The following GRIK4 variants were observed in gnomAD, a reference collection of about 807,000 sequenced individuals.
GRIK4 encodes glutamate receptor ionotropic, kainate 4.
Under a neutral mutation model 104.9 loss-of-function variants are expected in GRIK4, and 40 were observed. That is an observed-to-expected ratio of 0.38 (90% CI 0.30 to 0.50). The LOEUF (loss-of-function observed/expected upper bound fraction) is 0.50. Among genes scored for constraint, GRIK4 ranks in the 20% least tolerant of loss-of-function variants. GRIK4 has a pLI of 0.93. For missense variants in GRIK4, 1,047 were observed against 1,308.1 expected (o/e 0.80, Z 3.08); for synonymous variants, 485 against 524.9 (o/e 0.92, Z 1.04).
At chr11:120,844,759 G>T (rs984210282) in intron 8 of GRIK4, among the ~76,000 whole-genome samples, 1 of 152,192 alleles carries the variant, frequency 6.6e-6, no homozygotes, top group Non-Finnish European at 1.5e-5. Flanking sequence ...GGACAGATTT[G>T]AAGTCAACGT....
At chr11:120,531,261 G>C (rs1427222321) in intron 1 of GRIK4, among the ~76,000 whole-genome samples, 1 of 152,266 alleles carries the variant, frequency 6.6e-6, no homozygotes, top group Non-Finnish European at 1.5e-5. Flanking sequence ...GAAAGATCAA[G>C]AGTGAAACTC....
chr11:120,982,336 G>A (rs555653855), intron 20 of GRIK4, 112 bp downstream of exon 20: 7 of 705,000 alleles, frequency 9.9e-6, no homozygotes, highest in Non-Finnish European at 1.8e-5. Flanking sequence ...GCAGCAAAGA[G>A]AATCCCAGTG....
At chr11:120,968,563 C>T (rs1026314942) in intron 19 of GRIK4, among the ~76,000 whole-genome samples, 2 of 152,158 alleles carry the variant, frequency 1.3e-5, no homozygotes, top group Non-Finnish European at 2.9e-5. Context: ...GGATCTCTAT[C>T]TTGCAAGAAG....
intron 1 of GRIK4, among the ~76,000 whole-genome samples, chr11:120,525,485 G>A (rs1463557353): frequency 1.3e-5 from 2 of 152,164 alleles, no homozygotes; most frequent in Non-Finnish European, 2.9e-5. Flanking sequence ...TGGGCAGGGC[G>A]TGGAAAGAGC....
intron 3 of GRIK4, among the ~76,000 whole-genome samples, chr11:120,800,831 C>T (rs1344909691): frequency 1.3e-5 from 2 of 152,232 alleles, no homozygotes; most frequent in Non-Finnish European, 2.9e-5. Flanking sequence ...TCCGCGCAGA[C>T]ATTCAAGGGC....
chr11:120,707,903 G>C (rs941634426), intron 3 of GRIK4, among the ~76,000 whole-genome samples: 2 of 152,156 alleles, frequency 1.3e-5, no homozygotes, highest in Non-Finnish European at 2.9e-5. Flanking sequence ...TTCTAAGACT[G>C]AGCAACCCAC....
At chr11:120,687,585 T>C (rs1950295596) in intron 3 of GRIK4, among the ~76,000 whole-genome samples, 1 of 152,182 alleles carries the variant, frequency 6.6e-6, no homozygotes, top group Non-Finnish European at 1.5e-5. Context: ...TGTAGTTGGA[T>C]CTGCCTAATA....
chr11:120,548,654 G>C (rs960456714), intron 1 of GRIK4, among the ~76,000 whole-genome samples: 1 of 152,166 alleles, frequency 6.6e-6, no homozygotes, highest in African/African-American at 2.4e-5. Flanking sequence ...TCTGGTGGCA[G>C]CTGGGAGGAT....
At chr11:120,728,058 G>A (rs1000660478) in intron 3 of GRIK4, among the ~76,000 whole-genome samples, 2 of 151,594 alleles carry the variant, frequency 1.3e-5, no homozygotes, top group African/African-American at 2.4e-5. Flanking sequence ...ATTTAAACTT[G>A]TATATTGAAA....
chr11:120,593,280 A>G (rs908831597), intron 1 of GRIK4, among the ~76,000 whole-genome samples: 3 of 151,630 alleles, frequency 2.0e-5, no homozygotes, highest in African/African-American at 4.9e-5. Flanking sequence ...TTGTGGGCAT[A>G]CACTGCCTCC....
In GRIK4 at chr11:120,786,779, C is replaced by T. The variant is rs185040590; in HGVS notation, c.83-15914C>T. 3.9e-5 allele frequency among the ~76,000 whole-genome samples: 6 copies of T among 152,284 alleles called. No individual in the cohort carries two copies. In the East Asian group the frequency reaches 1.2e-3, roughly 29 times the overall value. On this transcript the variant is annotated intron_variant, in intron 3 of 20. Transcript: ENST00000527524. Reference sequence around the variant, plus strand: ...TTCCTCTTTTCCGAGAAAATAGATGCCATCCAGCTCAGCCTCTCTCAACAC... The same window carrying T: ...TTCCTCTTTTCCGAGAAAATAGATGTCATCCAGCTCAGCCTCTCTCAACAC...
At chr11:120,946,596 C>T (rs1591316316) in intron 14 of GRIK4, among the ~76,000 whole-genome samples, 2 of 152,218 alleles carry the variant, frequency 1.3e-5, no homozygotes, top group East Asian at 3.8e-4. Context: ...GGTTTGTTGA[C>T]TCACGTCTCC....
At chr11:120,714,259 C>T (rs966505404) in intron 3 of GRIK4, among the ~76,000 whole-genome samples, 6 of 152,218 alleles carry the variant, frequency 3.9e-5, no homozygotes, top group Admixed American at 1.3e-4. Flanking sequence ...TTACAATCCA[C>T]AGCTCTGGGG....
chr11:120,987,832 G>A lies in GRIK4; in HGVS notation c.*1572G>A. ...TCACTAATTGGGAGTTTCACGCAGA[G>A]TTCTCATTGGCTGATGGAAAACAAA... On this transcript the variant is annotated 3_prime_UTR_variant, in exon 21 of 21. Coordinates refer to ENST00000527524, the MANE Select transcript of GRIK4 (RefSeq NM_014619.5). The A allele has an allele frequency of 6.6e-6, 1 of 152,236 alleles. No individual in the cohort carries two copies. Among genetic ancestry groups the A allele is most frequent in the East Asian group, 1.9e-4 (1 of 5,184 alleles). 9.4% of individuals were successfully genotyped at this position (152,236 alleles called of 1,614,324 possible).
At chr11:120,801,143 C>G (rs1016444080) in intron 3 of GRIK4, among the ~76,000 whole-genome samples, 2 of 152,236 alleles carry the variant, frequency 1.3e-5, no homozygotes, top group African/African-American at 2.4e-5. Context: ...TCTGTGGATT[C>G]AGCTATTCTG....
At chr11:120,544,251 C>T (rs1948064387) in intron 1 of GRIK4, among the ~76,000 whole-genome samples, 1 of 152,168 alleles carries the variant, frequency 6.6e-6, no homozygotes, top group South Asian at 2.1e-4. Flanking sequence ...TGTCCCCAAA[C>T]TCATCAAGTT....
In GRIK4 at chr11:120,987,783, C is replaced by CAG. The variant is rs1944781719; in HGVS notation, c.*1524_*1525dup. On this transcript the variant is annotated 3_prime_UTR_variant, in exon 21 of 21. Transcript: ENST00000527524. ...CTGATGGGAGGGGCGAGGCTTTCTA[C>CAG]AGCTGCTTGACCTTTGCTTGGCTTC... 6.6e-6 allele frequency: 1 copy of CAG among 152,258 alleles called. No individual in the cohort carries two copies. Among genetic ancestry groups the CAG allele is most frequent in the African/African-American group, 2.4e-5 (1 of 41,444 alleles). 9.4% of individuals were successfully genotyped at this position (152,258 alleles called of 1,614,324 possible). A position where few individuals can be genotyped will look rare whatever the true frequency, so the allele number is the denominator to read the frequency against.
intron 3 of GRIK4, among the ~76,000 whole-genome samples, chr11:120,702,010 C>G (rs984555712): frequency 7.6e-6 from 1 of 132,392 alleles, no homozygotes; most frequent in African/African-American, 2.9e-5. Context: ...GGCTGGAGTG[C>G]AGTGGTGCGA....
At chr11:120,863,152 A>AG (rs1954306079) in intron 9 of GRIK4, among the ~76,000 whole-genome samples, 1 of 152,260 alleles carries the variant, frequency 6.6e-6, no homozygotes, top group African/African-American at 2.4e-5. Context: ...GAGCCTGGCT[A>AG]GATGGAAGTA....
Sources: allele counts gnomAD v4.1 joint callset (sites outside exome capture counted in the v4.1 genomes callset), GRCh38; gene constraint gnomAD v4.1.1; transcripts MANE v1.5; gene names NCBI Gene and HGNC (gene_info 2026-07-23, HGNC 2026-07-21).